The following MOB3B variants were observed in gnomAD, a reference collection of about 807,000 sequenced individuals.
MOB3B encodes the protein MOB kinase activator-like 2B.
A neutral mutation model predicts 18.7 loss-of-function variants in MOB3B; 7 were observed. The ratio of observed to expected loss-of-function variants is 0.37; its 90% confidence interval spans 0.21 to 0.70. The LOEUF (loss-of-function observed/expected upper bound fraction) is 0.70. MOB3B is among the 30% of genes least tolerant of loss of function. The probability of loss-of-function intolerance (pLI) is 0.52; values close to 1 mark genes in which losing one functional copy is unlikely to be tolerated. For synonymous variants in MOB3B, 111 were observed against 99.9 expected (o/e 1.11, Z -0.66); for missense variants, 253 against 281.3 (o/e 0.90, Z 0.72).
chr9:27,462,950 T>A (rs1819316802), intron 1 of MOB3B, among the ~76,000 whole-genome samples: 1 of 152,172 alleles, frequency 6.6e-6, no homozygotes, highest in South Asian at 2.1e-4. Context: ...ATAGGTAAAA[T>A]TAACACCAAG....
intron 2 of MOB3B, among the ~76,000 whole-genome samples, chr9:27,386,885 T>C (rs1435825416): frequency 6.6e-6 from 1 of 152,204 alleles, no homozygotes; most frequent in Non-Finnish European, 1.5e-5. Flanking sequence ...GGAAGAAGTG[T>C]GAGCTCTCAT....
At chr9:27,458,501 A>C (rs1415059147) in intron 1 of MOB3B, among the ~76,000 whole-genome samples, 1 of 148,462 alleles carries the variant, frequency 6.7e-6, no homozygotes, top group Non-Finnish European at 1.5e-5. Flanking sequence ...TACTCATATA[A>C]CAAATTTGAA....
chr9:27,435,158 C>A (rs1161743736), intron 2 of MOB3B, among the ~76,000 whole-genome samples: 1 of 151,858 alleles, frequency 6.6e-6, no homozygotes. Context: ...TCTGCATAAT[C>A]TTACCCTTGT....
chr9:27,481,588 T>G lies in MOB3B; in HGVS notation c.-198-25840A>C, dbSNP rs577682956. Among the ~76,000 whole-genome samples the G allele has an allele frequency of 4.8e-5, 7 of 145,960 alleles. No homozygotes were observed. The East Asian group carries it at 1.2e-3, about 26-fold the overall frequency. On this transcript the variant is annotated intron_variant, in intron 1 of 3. Coordinates refer to ENST00000262244, the MANE Select transcript of MOB3B (RefSeq NM_024761.5). Reference sequence around the variant, plus strand: ...GCTGGAGTGCAGGAGTACAGTGGCGTGATCTCGGCTCACTGCAAGCTCCGC... The same window carrying G: ...GCTGGAGTGCAGGAGTACAGTGGCGGGATCTCGGCTCACTGCAAGCTCCGC...
chr9:27,449,926 C>T (rs886348569), intron 2 of MOB3B, among the ~76,000 whole-genome samples: 15 of 150,508 alleles, frequency 1.0e-4, no homozygotes, highest in African/African-American at 2.4e-4. Flanking sequence ...TGCAGTGAGC[C>T]GAGATCATGC....
intron 1 of MOB3B, among the ~76,000 whole-genome samples, chr9:27,490,832 C>A (rs1287736114): frequency 6.6e-6 from 1 of 151,922 alleles, no homozygotes; most frequent in African/African-American, 2.4e-5. Context: ...TAATAAATAC[C>A]ATCGATGCTG....
intron 1 of MOB3B, among the ~76,000 whole-genome samples, chr9:27,520,295 C>T (rs552001184): frequency 1.3e-3 from 198 of 152,252 alleles, no homozygotes; most frequent in Non-Finnish European, 2.5e-3. Flanking sequence ...CAGAGCAGCC[C>T]CTGCTAACCA....
At chr9:27,367,280 A>G (rs1330921) in intron 2 of MOB3B, among the ~76,000 whole-genome samples, 23,473 of 152,222 alleles carry the variant, frequency 0.15, 2,859 homozygotes, top group African/African-American at 0.34. Context: ...CTCAGAGCCT[A>G]TGCTCCTTCT....
chr9:27,385,920 G>C (rs549399133), intron 2 of MOB3B, among the ~76,000 whole-genome samples: 241 of 152,324 alleles, frequency 1.6e-3, no homozygotes, highest in African/African-American at 5.6e-3. Context: ...GGTGCCTCCA[G>C]GCCTTGTGAA....
intron 1 of MOB3B, among the ~76,000 whole-genome samples, chr9:27,479,195 T>G (rs1819608069): frequency 6.6e-6 from 1 of 152,160 alleles, no homozygotes; most frequent in Non-Finnish European, 1.5e-5. Context: ...CAGCAACTAC[T>G]GTCACATCAT....
At chr9:27,333,771 A>T (rs1820822211) in intron 3 of MOB3B, among the ~76,000 whole-genome samples, 1 of 152,310 alleles carries the variant, frequency 6.6e-6, no homozygotes, top group South Asian at 2.1e-4. Flanking sequence ...AATTGATTCT[A>T]TGAAGTCCCT....
intron 1 of MOB3B, chr9:27,526,150 G>A (rs959284416): frequency 4.7e-4 from 71 of 152,314 alleles, no homozygotes; most frequent in African/African-American, 1.6e-3. Context: ...CTGCCAAACT[G>A]TTCAGATTCA....
At chr9:27,365,174 A>AAAAAAAAAAAAAAAC in intron 2 of MOB3B, among the ~76,000 whole-genome samples, 1 of 151,168 alleles carries the variant, frequency 6.6e-6, no homozygotes, top group South Asian at 2.1e-4. Context: ...AAAAAAAAAA[A>AAAAAAAAAAAAAAAC]AGAAAACCCA....
At position 27,526,962 on chromosome 9, in the gene MOB3B, A is replaced by G. The variant is rs111464775; in HGVS notation, c.-199+2593T>C. On this transcript the variant is annotated intron_variant, in intron 1 of 3. Coordinates refer to ENST00000262244, the MANE Select transcript of MOB3B (RefSeq NM_024761.5). Reference sequence around the variant, plus strand: ...CTACAGGGAAATATGGCAATCTTCAATATCCTAAAGAACGCATCAGCCCCT... The same window carrying G: ...CTACAGGGAAATATGGCAATCTTCAGTATCCTAAAGAACGCATCAGCCCCT... 3.2e-3 allele frequency among the ~76,000 whole-genome samples: 486 copies of G among 152,330 alleles called. 4 individuals are homozygous for G. The highest frequency in any genetic ancestry group is 0.011 in the African/African-American group (472 of 41,568).
chr9:27,437,586 A>G (rs28587107), intron 2 of MOB3B, among the ~76,000 whole-genome samples: 17,558 of 152,244 alleles, frequency 0.12, 1,515 homozygotes, highest in African/African-American at 0.25. Flanking sequence ...AAATCCAAAA[A>G]GGGAACAGCT....
chr9:27,456,914 C>T (rs796461040), intron 1 of MOB3B, among the ~76,000 whole-genome samples: 1 of 152,202 alleles, frequency 6.6e-6, no homozygotes, highest in Admixed American at 6.5e-5. Context: ...CTGGATGGCA[C>T]AGCTCTGAAG....
chr9:27,488,810 G>T (rs1819770367), intron 1 of MOB3B, among the ~76,000 whole-genome samples: 1 of 152,198 alleles, frequency 6.6e-6, no homozygotes, highest in Non-Finnish European at 1.5e-5. Context: ...AATGTGGTCA[G>T]CACAGAAAGG....
At chr9:27,480,459 T>C (rs1475172551) in intron 1 of MOB3B, among the ~76,000 whole-genome samples, 1 of 152,084 alleles carries the variant, frequency 6.6e-6, no homozygotes, top group Non-Finnish European at 1.5e-5. Flanking sequence ...GCCACCATGC[T>C]CGGCTAATTT....
chr9:27,413,960 G>A (rs973882063), intron 2 of MOB3B, among the ~76,000 whole-genome samples: 3 of 152,178 alleles, frequency 2.0e-5, no homozygotes, highest in Non-Finnish European at 2.9e-5. Flanking sequence ...AACAGAAGGC[G>A]AGTGCTGGAA....
Sources: gnomAD v4.1 joint callset for allele counts (sites outside exome capture counted in the v4.1 genomes callset) on GRCh38, gnomAD v4.1.1 for gene constraint, MANE v1.5 for transcripts, NCBI Gene and HGNC (gene_info 2026-07-23, HGNC 2026-07-21) for gene names.